Variants in AMER3 observed in about 807,000 individuals in gnomAD.
AMER3 encodes family with sequence similarity 123C.
For missense variants in AMER3, 1,201 were observed against 1,139.4 expected, an observed-to-expected ratio of 1.05 and a Z score of -0.78; for synonymous variants, 541 against 485.5, an observed-to-expected ratio of 1.11 and a Z score of -1.50.
chr2:130,760,576 A>G (rs1678746159), intron 1 of AMER3, among the ~76,000 whole-genome samples: 1 of 152,082 alleles, frequency 6.6e-6, no homozygotes, highest in South Asian at 2.1e-4. Flanking sequence ...CCTTATGGAG[A>G]GGCGAAGGAG....
chr2:130,757,926 A>T (rs1678657996), intron 1 of AMER3, among the ~76,000 whole-genome samples: 1 of 152,142 alleles, frequency 6.6e-6, no homozygotes, highest in Admixed American at 6.5e-5. Context: ...AGGTCAAGAG[A>T]TCAAGACCAT....
Position 130,762,432 on chromosome 2 carries a change from C to T in AMER3, c.360C>T (p.Ser120=). 6.2e-7 allele frequency: 1 copy of T among 1,612,792 alleles called. No homozygotes were observed. The highest frequency in any genetic ancestry group is 8.5e-7 in the Non-Finnish European group (1 of 1,179,914). The change falls in exon 2 of 2, where the codon TCC becomes TCT. Residue 120 remains serine (S), a synonymous_variant. Transcript: ENST00000321420. ...TGGGCAGTGCAAGCTTCCCGGGCTC[C>T]CCGGGCAGCCGGCGCATGATCGACT... ...QLVGSASFPG[S]PGSRRMIDYR... is the part of the protein sequence containing the mutation.
In AMER3 at chr2:130,763,664, C is replaced by G. The variant is rs1318148348; in HGVS notation, c.1592C>G (p.Pro531Arg). Reference sequence around the variant, plus strand: ...ACCCCTGGGCAGCCTGCAGCTCCACCTGGTTCCCAGGGAGCCCCTAGGGCA... The same window carrying G: ...ACCCCTGGGCAGCCTGCAGCTCCACGTGGTTCCCAGGGAGCCCCTAGGGCA... The part of the protein sequence containing the change: ...PPTPGQPAAP[P>R]GSQGAPRAPT... Residue 531 changes from proline (P) to arginine (R), a missense_variant, in exon 2 of 2, where the codon CCT becomes CGT. Coordinates refer to ENST00000321420, the MANE Select transcript of AMER3 (RefSeq NM_152698.3). The G allele has an allele frequency of 2.6e-6, 4 of 1,527,620 alleles. No homozygotes were observed. In the East Asian group the frequency reaches 7.1e-5, roughly 27 times the overall value. 94.6% of individuals were successfully genotyped at this position (1,527,620 alleles called of 1,614,324 possible).
chr2:130,762,887 C>A lies in AMER3; in HGVS notation c.815C>A (p.Pro272Gln). Residue 272 changes from proline to glutamine, a missense_variant, in exon 2 of 2, where the codon CCA becomes CAA. Pro to Gln is a moderately conservative substitution (Grantham distance 76). Transcript: ENST00000321420. ...SLELNEGPES[P>Q]TQAAQGLESK... is the part of the protein sequence containing the mutation. Reference sequence around the variant, plus strand: ...GAGCTGAACGAGGGCCCGGAGAGCCCAACCCAGGCTGCTCAGGGCCTGGAG... The same window carrying A: ...GAGCTGAACGAGGGCCCGGAGAGCCAAACCCAGGCTGCTCAGGGCCTGGAG... 1 of 1,613,256 alleles carries A rather than the reference C, an allele frequency of 6.2e-7. No homozygotes were observed. Among genetic ancestry groups the A allele is most frequent in the Non-Finnish European group, 8.5e-7 (1 of 1,179,938 alleles).
At position 130,764,902 on chromosome 2, in the gene AMER3, G is replaced by A; in HGVS notation, c.*244G>A. ...CAACCACCTAGCTGCTCCTCATGCAGGGGCTGGAGAGAGGGGCTAGGGCTT... is the reference window on the plus strand; with the variant it reads ...CAACCACCTAGCTGCTCCTCATGCAAGGGCTGGAGAGAGGGGCTAGGGCTT... On this transcript the variant is annotated 3_prime_UTR_variant, in exon 2 of 2. Transcript: ENST00000321420. 3.7e-6 allele frequency: 2 copies of A among 538,802 alleles called. No homozygotes were observed. The highest frequency in any genetic ancestry group is 6.7e-6 in the Non-Finnish European group (2 of 296,516). 33.4% of individuals were successfully genotyped at this position (538,802 alleles called of 1,614,324 possible).
Position 130,764,755 on chromosome 2 carries a change from A to T in AMER3, c.*97A>T. On this transcript the variant is annotated 3_prime_UTR_variant, in exon 2 of 2. Transcript: ENST00000321420. The stretch of plus-strand genomic sequence containing the variant: ...TCTATCTTTTGTCCCTGATGTGGGG[A>T]CTGTGTTGGGGGTGGGGGGTGGCAG... 10 of 1,301,146 alleles carry T rather than the reference A, an allele frequency of 7.7e-6. No individual in the cohort carries two copies. Among genetic ancestry groups the T allele is most frequent in the South Asian group, 1.5e-5 (1 of 64,960 alleles). The allele number at this position is 1,301,146 out of a possible 1,614,324, so 80.6% of individuals were successfully genotyped here. A position where few individuals can be genotyped will look rare whatever the true frequency, so the allele number is the denominator to read the frequency against.
rs1040661761 is a variant in AMER3, at chr2:130,755,620, T to A, written c.-74T>A. The stretch of plus-strand genomic sequence containing the variant: ...CTGCGGAGACAGAGTCCCCACAGCA[T>A]TTCTGCTCCTCCCTCAAGACTGCGG... On this transcript the variant is annotated 5_prime_UTR_variant, in exon 1 of 2. Transcript: ENST00000321420. The A allele has an allele frequency of 1.3e-5, 2 of 152,882 alleles. No homozygotes were observed. The highest frequency in any genetic ancestry group is 4.8e-5 in the African/African-American group (2 of 41,458). The allele number at this position is 152,882 out of a possible 1,614,324, so 9.5% of individuals were successfully genotyped here. A position where few individuals can be genotyped will look rare whatever the true frequency, so the allele number is the denominator to read the frequency against.
chr2:130,756,219 G>A (rs1164148965), intron 1 of AMER3: 1 of 147,952 alleles, frequency 6.8e-6, no homozygotes, highest in East Asian at 2.0e-4. Flanking sequence ...CGACCCCGCG[G>A]GGCCCCTGGA....
In AMER3 at chr2:130,764,667, C is replaced by T; in HGVS notation, c.*9C>T. Reference sequence around the variant, plus strand: ...CTGAGCCCCATCTGTAGGACAGGCTCACATGCACCAGGAACTGCATGTGTC... The same window carrying T: ...CTGAGCCCCATCTGTAGGACAGGCTTACATGCACCAGGAACTGCATGTGTC... On this transcript the variant is annotated 3_prime_UTR_variant, in exon 2 of 2. Transcript: ENST00000321420. The T allele has an allele frequency of 6.3e-7, 1 of 1,588,464 alleles. No homozygotes were observed. Among genetic ancestry groups the T allele is most frequent in the Non-Finnish European group, 8.5e-7 (1 of 1,170,430 alleles).
In AMER3 at chr2:130,766,291, T is replaced by C. The variant is rs949978358; in HGVS notation, c.*1633T>C. ...AACCGGCCTCAATCTGGCCCCAGTC[T>C]GGCCTACTCGCTGCCCCAGGACAGG... On this transcript the variant is annotated 3_prime_UTR_variant, in exon 2 of 2. Transcript: ENST00000321420. 1.2e-5 allele frequency: 2 copies of C among 167,100 alleles called. No individual in the cohort carries two copies. Among genetic ancestry groups the C allele is most frequent in the Non-Finnish European group, 2.9e-5 (2 of 68,154 alleles). 10.4% of individuals were successfully genotyped at this position (167,100 alleles called of 1,614,324 possible). A position where few individuals can be genotyped will look rare whatever the true frequency, so the allele number is the denominator to read the frequency against.
chr2:130,762,531 G>A lies in AMER3; in HGVS notation c.459G>A (p.Leu153=), dbSNP rs761260355. The A allele has an allele frequency of 1.2e-6, 2 of 1,613,360 alleles. No homozygotes were observed. Among genetic ancestry groups the A allele is most frequent in the South Asian group, 1.1e-5 (1 of 91,092 alleles). ...GCATCCCGAGGAAGAGGATTTCCCTGAAGAGGCCCAAGAAGTGCTTTCGGA... is the reference window on the plus strand; with the variant it reads ...GCATCCCGAGGAAGAGGATTTCCCTAAAGAGGCCCAAGAAGTGCTTTCGGA... ...AKSIPRKRIS[L]KRPKKCFRNL... Residue 153 remains leucine, a synonymous_variant, in exon 2 of 2, where the codon CTG becomes CTA. Coordinates refer to ENST00000321420, the MANE Select transcript of AMER3 (RefSeq NM_152698.3).
At position 130,764,530 on chromosome 2, in the gene AMER3, C is replaced by A. The variant is rs759731858; in HGVS notation, c.2458C>A (p.Gln820Lys). The A allele has an allele frequency of 6.2e-7, 1 of 1,603,664 alleles. No individual in the cohort carries two copies. The highest frequency in any genetic ancestry group is 1.3e-5 in the African/African-American group (1 of 74,810). The change falls in exon 2 of 2, where the codon CAG becomes AAG. Residue 820 changes from glutamine to lysine, a missense_variant. Transcript: ENST00000321420. ...PESLGLTLNS[Q>K]QEGGVSASAP... Reference sequence around the variant, plus strand: ...AAGCCTGGGCCTCACTTTGAACAGCCAGCAGGAAGGGGGGGTCTCTGCAAG... The same window carrying A: ...AAGCCTGGGCCTCACTTTGAACAGCAAGCAGGAAGGGGGGGTCTCTGCAAG...
Position 130,763,633 on chromosome 2 carries a change from C to T in AMER3, c.1561C>T (p.Pro521Ser), listed in dbSNP as rs200070399. The part of the protein sequence containing the change: ...WLRRGPTPRA[P>S]PTPGQPAAPP... ...GCGCCGAGGCCCCACGCCCCGTGCC[C>T]CACCCACCCCTGGGCAGCCTGCAGC... The change falls in exon 2 of 2, where the codon CCA becomes TCA. Residue 521 changes from proline to serine, a missense_variant. By Grantham distance (74) the Pro-to-Ser change is moderately conservative. Coordinates refer to ENST00000321420, the MANE Select transcript of AMER3 (RefSeq NM_152698.3). The T allele has an allele frequency of 1.9e-6, 3 of 1,544,500 alleles. No individual in the cohort carries two copies. The highest frequency in any genetic ancestry group is 1.9e-5 in the Admixed American group (1 of 51,460).
chr2:130,755,920 C>G (rs1031779220), intron 1 of AMER3: 1 of 152,234 alleles, frequency 6.6e-6, no homozygotes, highest in African/African-American at 2.4e-5. Flanking sequence ...TGTGCGCTCC[C>G]GGAAGAGGGG....
rs566662422 is a variant in AMER3 at position 130,767,205 on chromosome 2, G to A, written c.*2547G>A. 6.0e-6 allele frequency: 1 copy of A among 167,238 alleles called. No individual in the cohort carries two copies. Among genetic ancestry groups the A allele is most frequent in the Non-Finnish European group, 1.5e-5 (1 of 68,270 alleles). 10.4% of individuals were successfully genotyped at this position (167,238 alleles called of 1,614,324 possible). The stretch of plus-strand genomic sequence containing the variant: ...CCAGTGTCAGGCCAGCAGGTGCAGG[G>A]ACAGATGGGCCATCCACATTCTCCA... On this transcript the variant is annotated 3_prime_UTR_variant, in exon 2 of 2. Transcript: ENST00000321420.
Position 130,762,857 on chromosome 2 carries a change from C to G in AMER3, c.785C>G (p.Ser262Cys). ...EVFADESSVP[S>C]LELNEGPESP... ...TTCGCAGATGAGAGCTCGGTGCCAT[C>G]TCTGGAGCTGAACGAGGGCCCGGAG... Residue 262 changes from serine to cysteine, a missense_variant, in exon 2 of 2, where the codon TCT becomes TGT. Coordinates refer to ENST00000321420, the MANE Select transcript of AMER3 (RefSeq NM_152698.3). 1 of 1,613,460 alleles carries G rather than the reference C, an allele frequency of 6.2e-7. No individual in the cohort carries two copies. Among genetic ancestry groups the G allele is most frequent in the South Asian group, 1.1e-5 (1 of 91,084 alleles).
In AMER3 at chr2:130,763,721, T is replaced by C. The variant is rs1399819903; in HGVS notation, c.1649T>C (p.Leu550Pro). Residue 550 changes from leucine (L) to proline (P), a missense_variant, in exon 2 of 2, where the codon CTG (leucine) becomes CCG (proline). Physicochemically the swap from Leu to Pro is moderately conservative, Grantham distance 98 (BLOSUM62 -3). Transcript: ENST00000321420. ...PTEKLGGREG[L>P]ASDAGGATVC... ...GAGAAGCTGGGGGGCAGGGAGGGCC[T>C]GGCCTCAGATGCAGGGGGGGCGACA... 16 of 1,570,116 alleles carry C rather than the reference T, an allele frequency of 1.0e-5. No individual in the cohort carries two copies. The East Asian group carries it at 3.2e-4, about 31-fold the overall frequency.
Position 130,763,850 on chromosome 2 carries a change from G to T in AMER3, c.1778G>T (p.Gly593Val). The part of the protein sequence containing the change: ...KALGGATQGT[G>V]TLSRDASREE... Reference sequence around the variant, plus strand: ...CTCGGAGGGGCCACACAAGGGACTGGCACACTGTCCAGGGATGCCTCTCGA... The same window carrying T: ...CTCGGAGGGGCCACACAAGGGACTGTCACACTGTCCAGGGATGCCTCTCGA... Residue 593 changes from glycine (G) to valine (V), a missense_variant, in exon 2 of 2, where the codon GGC (glycine) becomes GTC (valine). By Grantham distance (109) the Gly-to-Val change is moderately radical. Transcript: ENST00000321420. The T allele has an allele frequency of 6.2e-7, 1 of 1,613,396 alleles. No individual in the cohort carries two copies. Among genetic ancestry groups the T allele is most frequent in the South Asian group, 1.1e-5 (1 of 91,090 alleles).
chr2:130,762,050 A>G lies in AMER3; in HGVS notation c.-19-4A>G, dbSNP rs1199801035. On this transcript the variant is annotated splice_region_variant and splice_polypyrimidine_tract_variant and intron_variant, in intron 1 of 1. Transcript: ENST00000321420. ...TACTGAGTGCCTCCTGCTTTCCTCC[A>G]CAGCAGCTGGGGCACTGGCAGCATG... 3 of 1,603,670 alleles carry G rather than the reference A, an allele frequency of 1.9e-6. No homozygotes were observed. The highest frequency in any genetic ancestry group is 2.6e-6 in the Non-Finnish European group (3 of 1,175,730).
Sources: allele counts gnomAD v4.1 joint callset (sites outside exome capture counted in the v4.1 genomes callset), GRCh38; gene constraint gnomAD v4.1.1; transcripts MANE v1.5; gene names NCBI Gene and HGNC (gene_info 2026-07-23, HGNC 2026-07-21).